The following ZNF273 variants were observed in gnomAD, a reference collection of about 807,000 sequenced individuals.
The protein encoded by ZNF273 is zinc finger protein 9.
In ZNF273, 11 loss-of-function variants were observed where a neutral mutation model predicts 14.9. The observed-to-expected ratio is 0.74, with a 90% confidence interval of 0.46 to 1.22. The LOEUF is 1.22. Among genes scored for constraint, ZNF273 ranks in the 50% most tolerant of loss-of-function variants. ZNF273 has a pLI of 0.00. For synonymous variants in ZNF273, 199 were observed against 223.9 expected, an observed-to-expected ratio of 0.89 and a Z score of 0.99; for missense variants, 577 against 660.6, an observed-to-expected ratio of 0.87 and a Z score of 1.39.
At chr7:64,917,531 C>T (rs1235581259) in intron 1 of ZNF273, 50 bp from the exon 2 acceptor site, 4 of 1,565,596 alleles carry the variant, frequency 2.6e-6, no homozygotes, top group Admixed American at 3.4e-5. Context: ...ATTAAATATT[C>T]TGTCCAGAGC....
At position 64,928,601 on chromosome 7, in the gene ZNF273, A is replaced by G; in HGVS notation, c.1273A>G (p.Thr425Ala). 3 of 1,613,468 alleles carry G rather than the reference A, an allele frequency of 1.9e-6. No homozygotes were observed. The highest frequency in any genetic ancestry group is 2.5e-6 in the Non-Finnish European group (3 of 1,179,786). ...TCTTACTAAACATAAGAGAATTTAT[A>G]CTAAAGAGAAACCATACAAATGTGA... is the stretch of plus-strand genomic sequence containing the variant. ...TTLTKHKRIY[T>A]KEKPYKCEEC... Residue 425 changes from threonine (T) to alanine (A), a missense_variant, in exon 4 of 4, where the codon ACT (threonine) becomes GCT (alanine). By Grantham distance (58) the Thr-to-Ala change is moderately conservative. Transcript: ENST00000476120.
At chr7:64,899,193 T>G (rs1792538815), upstream of ZNF273, among the ~76,000 whole-genome samples, 1 of 152,262 alleles carries the variant, frequency 6.6e-6, no homozygotes, top group South Asian at 2.1e-4. Flanking sequence ...GCAAAAATCT[T>G]GTCTTTGCTT....
intron 1 of ZNF273, among the ~76,000 whole-genome samples, chr7:64,913,394 C>T (rs562009789): frequency 1.4e-4 from 22 of 152,356 alleles, no homozygotes; most frequent in African/African-American, 4.6e-4. Context: ...CAGGGTGTTA[C>T]GAGGATTCAA....
At chr7:64,931,256 G>A (rs1794985953), downstream of ZNF273, among the ~76,000 whole-genome samples, 1 of 152,100 alleles carries the variant, frequency 6.6e-6, no homozygotes, top group Admixed American at 6.5e-5. Flanking sequence ...AATGCTGAAA[G>A]CAAATCTATA....
Position 64,930,850 on chromosome 7 carries a change from T to A in ZNF273, c.*1812T>A, listed in dbSNP as rs1357687093. 1 of 152,146 alleles carries A rather than the reference T, an allele frequency of 6.6e-6. No homozygotes were observed. Among genetic ancestry groups the A allele is most frequent in the African/African-American group, 2.4e-5 (1 of 41,448 alleles). The allele number at this position is 152,146 out of a possible 1,614,324, so 9.4% of individuals were successfully genotyped here. On this transcript the variant is annotated 3_prime_UTR_variant, in exon 4 of 4. Coordinates refer to ENST00000476120, the MANE Select transcript of ZNF273 (RefSeq NM_021148.3). ...CACATCAGGGTAAATGAGGTATCCC[T>A]TACTAGCATTTATCCTTTGTATTTT...
intron 3 of ZNF273, among the ~76,000 whole-genome samples, chr7:64,895,544 T>C (rs995360502): frequency 3.3e-5 from 5 of 152,232 alleles, no homozygotes; most frequent in Non-Finnish European, 5.9e-5. Context: ...TTGTATGTTA[T>C]ATAGTACAGC....
intron 1 of ZNF273, among the ~76,000 whole-genome samples, chr7:64,903,919 T>G (rs1792907857): frequency 6.6e-6 from 1 of 152,226 alleles, no homozygotes; most frequent in Admixed American, 6.5e-5. Context: ...AGGTGTGTGA[T>G]GAAGAAAGCC....
intron 2 of ZNF273, among the ~76,000 whole-genome samples, 190 bp downstream of exon 2, chr7:64,917,897 C>T (rs1464355193): frequency 6.6e-6 from 1 of 152,118 alleles, no homozygotes; most frequent in Non-Finnish European, 1.5e-5. Context: ...CGTTCTTGAG[C>T]TACTCTGTAT....
chr7:64,930,435 A>G lies in ZNF273; in HGVS notation c.*1397A>G, dbSNP rs1217001254. ...AAATTTTTAATATTAAAATTCAATT[A>G]TATCATTTTATGAATTGTGCTTTTC... is the stretch of plus-strand genomic sequence containing the variant. On this transcript the variant is annotated 3_prime_UTR_variant, in exon 4 of 4. Coordinates refer to ENST00000476120, the MANE Select transcript of ZNF273 (RefSeq NM_021148.3). 1 of 152,176 alleles carries G rather than the reference A, an allele frequency of 6.6e-6. No individual in the cohort carries two copies. The highest frequency in any genetic ancestry group is 1.9e-4 in the East Asian group (1 of 5,196). 9.4% of individuals were successfully genotyped at this position (152,176 alleles called of 1,614,324 possible).
downstream of ZNF273, chr7:64,893,741 A>T (rs570424961): frequency 7.4e-6 from 1 of 135,148 alleles, no homozygotes; most frequent in Non-Finnish European, 1.5e-5. Context: ...CCTCTCTCAC[A>T]AAACAGTCAC....
At chr7:64,934,632 A>G (rs979150579), downstream of ZNF273, among the ~76,000 whole-genome samples, 7 of 152,216 alleles carry the variant, frequency 4.6e-5, no homozygotes, top group Non-Finnish European at 8.8e-5. Flanking sequence ...ACGTGGATAT[A>G]TTCCTGGTTT....
chr7:64,885,230 A>G (rs1562947510), intron 1 of ZNF273, among the ~76,000 whole-genome samples: 2 of 152,158 alleles, frequency 1.3e-5, no homozygotes. Context: ...GGAATCGTCA[A>G]CAGTGCCCCA....
rs1334217774 is a variant in ZNF273 at position 64,928,472 on chromosome 7, G to A, written c.1144G>A (p.Ala382Thr). The A allele has an allele frequency of 6.2e-7, 1 of 1,613,590 alleles. No homozygotes were observed. Among genetic ancestry groups the A allele is most frequent in the African/African-American group, 1.3e-5 (1 of 74,880 alleles). ...KPYKCEECGK[A>T]FNQSSTLTRH... ...CTACAAATGTGAAGAATGTGGCAAA[G>A]CTTTTAACCAGTCCTCAACCCTTAC... The change falls in exon 4 of 4, where the codon GCT becomes ACT. Residue 382 changes from alanine (A) to threonine (T), a missense_variant. Coordinates refer to ENST00000476120, the MANE Select transcript of ZNF273 (RefSeq NM_021148.3).
upstream of ZNF273, among the ~76,000 whole-genome samples, chr7:64,901,464 G>C (rs375115436): frequency 1.3e-4 from 20 of 152,328 alleles, 1 homozygote; most frequent in East Asian, 2.3e-3. Context: ...TGGTATCCCA[G>C]AGGCTGACCA....
downstream of ZNF273, among the ~76,000 whole-genome samples, chr7:64,880,425 C>T (rs911835662): frequency 1.3e-5 from 2 of 152,258 alleles, no homozygotes; most frequent in South Asian, 2.1e-4. Flanking sequence ...CGAAGCAGAA[C>T]CGCGCTGCCT....
upstream of ZNF273, among the ~76,000 whole-genome samples, chr7:64,898,390 C>T (rs1792489850): frequency 6.6e-6 from 1 of 152,116 alleles, no homozygotes; most frequent in Non-Finnish European, 1.5e-5. Flanking sequence ...TTGAGTAGTA[C>T]TCGCGTGCCA....
intron 1 of ZNF273, among the ~76,000 whole-genome samples, chr7:64,909,492 G>A (rs1008715948): frequency 6.6e-6 from 1 of 152,150 alleles, no homozygotes; most frequent in Non-Finnish European, 1.5e-5. Context: ...GCCCCCCAAA[G>A]TGCTGGGATT....
chr7:64,931,481 A>C (rs1377556819), downstream of ZNF273, among the ~76,000 whole-genome samples: 4 of 152,160 alleles, frequency 2.6e-5, no homozygotes, highest in Non-Finnish European at 2.9e-5. Context: ...AGTAGTGCAC[A>C]AAAAGTAATT....
downstream of ZNF273, among the ~76,000 whole-genome samples, chr7:64,880,725 C>A (rs2129028203): frequency 6.6e-6 from 1 of 152,242 alleles, no homozygotes; most frequent in East Asian, 1.9e-4. Context: ...CAAATTATAT[C>A]CCCATGCAAA....
Sources: allele counts gnomAD v4.1 joint callset (sites outside exome capture counted in the v4.1 genomes callset), GRCh38; gene constraint gnomAD v4.1.1; transcripts MANE v1.5; gene names NCBI Gene and HGNC (gene_info 2026-07-23, HGNC 2026-07-21).